INTS1: variants seen among roughly 807,000 people sequenced by gnomAD.
INTS1 encodes integrator complex subunit 1.
In INTS1, 137 loss-of-function variants were observed where a neutral mutation model predicts 241.6. The observed-to-expected ratio is 0.57, with a 90% confidence interval of 0.49 to 0.65. The LOEUF (loss-of-function observed/expected upper bound fraction) is 0.65, where lower values mean the gene tolerates loss of function less well. INTS1 is among the 30% of genes least tolerant of loss of function. INTS1 has a pLI of 0.00. For missense variants in INTS1, 3,073 were observed against 3,032.2 expected (o/e 1.01, Z -0.32); for synonymous variants, 1,692 against 1,337.8 (o/e 1.26, Z -5.78).
At chr7:1,473,240 G>T in intron 42 of INTS1, 56 bp from the exon 43 acceptor site, 1 of 1,289,008 alleles carries the variant, frequency 7.8e-7, no homozygotes, top group Non-Finnish European at 1.1e-6. Flanking sequence ...AGGAAGGCTG[G>T]GTCAGGGGTC....
rs762545494 is a variant in INTS1, at chr7:1,486,792, C to T, written c.2827-18G>A. Reference sequence around the variant, plus strand: ...TGTTGCCTCTGCAGGGAGGAAGGGGCTCTCAGGGGTGCAGGTGACAGGCCA... The same window carrying T: ...TGTTGCCTCTGCAGGGAGGAAGGGGTTCTCAGGGGTGCAGGTGACAGGCCA... On this transcript the variant is annotated intron_variant, in intron 21 of 47. Transcript: ENST00000404767. 3.1e-6 allele frequency: 5 copies of T among 1,610,438 alleles called. No individual in the cohort carries two copies. The African/African-American group carries it at 4.0e-5, about 13-fold the overall frequency.
Position 1,479,437 on chromosome 7 carries a change from T to C in INTS1, c.4322A>G (p.Gln1441Arg), listed in dbSNP as rs1200263792. 1.3e-6 allele frequency: 2 copies of C among 1,577,002 alleles called. No homozygotes were observed. The highest frequency in any genetic ancestry group is 1.7e-6 in the Non-Finnish European group (2 of 1,162,380). The change falls in exon 31 of 48, where the codon CAG (glutamine) becomes CGG (arginine). Residue 1441 changes from glutamine to arginine, a missense_variant. Coordinates refer to ENST00000404767, the MANE Select transcript of INTS1 (RefSeq NM_001080453.3). ...AGGCCCACGCCCAAGTACCTGGTACTGGCAGAGCTGGCGCAGCAGCGGGCA... is the reference window on the plus strand; with the variant it reads ...AGGCCCACGCCCAAGTACCTGGTACCGGCAGAGCTGGCGCAGCAGCGGGCA... ...LACPLLRQLC[Q>R]YQRCVPQDTG...
chr7:1,500,444 C>G, intron 3 of INTS1, 78 bp from the exon 4 acceptor site: 1 of 1,409,660 alleles, frequency 7.1e-7, no homozygotes, highest in Non-Finnish European at 9.4e-7. Flanking sequence ...GGGAAGACCA[C>G]GAGGAACCCA....
chr7:1,478,872 T>C lies in INTS1; in HGVS notation c.4343A>G (p.Gln1448Arg), dbSNP rs185292877. The C allele has an allele frequency of 1.2e-3, 1,906 of 1,608,260 alleles. 1 individual carries two copies. Among genetic ancestry groups the C allele is most frequent in the Non-Finnish European group, 1.5e-3 (1,784 of 1,176,832 alleles). ...GAAGAGCGAGGAGAAGCCGGTGTCC[T>C]GTGGCACACAGCGCTGCGGGGACAA... ...QLCQYQRCVP[Q>R]DTGFSSLFLK... Residue 1448 changes from glutamine (Q) to arginine (R), a missense_variant, in exon 32 of 48, where the codon CAG becomes CGG. Physicochemically the swap from Gln to Arg is conservative, Grantham distance 43 (BLOSUM62 1). Transcript: ENST00000404767.
At position 1,476,522 on chromosome 7, in the gene INTS1, C is replaced by T. The variant is rs375198772; in HGVS notation, c.5151+48G>A. ...CTCCCGGATGGGCCACCCCCTCTCC[C>T]GGATGGGCCACCCCCTCTCCCGGAT... On this transcript the variant is annotated intron_variant, in intron 37 of 47. Coordinates refer to ENST00000404767, the MANE Select transcript of INTS1 (RefSeq NM_001080453.3). 7.5e-6 allele frequency: 12 copies of T among 1,609,892 alleles called. No homozygotes were observed. In the African/African-American group the frequency reaches 1.1e-4, roughly 14 times the overall value.
chr7:1,474,351 G>T lies in INTS1; in HGVS notation c.5646C>A (p.Pro1882=). 1 of 1,593,398 alleles carries T rather than the reference G, an allele frequency of 6.3e-7. No homozygotes were observed. The highest frequency in any genetic ancestry group is 2.3e-5 in the East Asian group (1 of 44,188). ...GGCCGTGCAGGAGCGCCGCGATCAT[G>T]GGCAGGTGCCTGCGGGCGCGGTGAG... is the stretch of plus-strand genomic sequence containing the variant. ...AHPLLLLRHL[P]MIAALLHGRT... The change falls in exon 41 of 48, where the codon CCC becomes CCA. Residue 1882 remains proline, a synonymous_variant. Transcript: ENST00000404767.
chr7:1,471,680 C>T, intron 44 of INTS1, 39 bp from the exon 45 acceptor site: 1 of 1,601,374 alleles, frequency 6.2e-7, no homozygotes, highest in Non-Finnish European at 8.5e-7. Context: ...CTGAAGGGCC[C>T]AGGCAGACCT....
Position 1,486,613 on chromosome 7 carries a change from C to T in INTS1, c.2976+12G>A. 1 of 1,609,786 alleles carries T rather than the reference C, an allele frequency of 6.2e-7. No individual in the cohort carries two copies. The highest frequency in any genetic ancestry group is 1.1e-5 in the South Asian group (1 of 90,462). On this transcript the variant is annotated intron_variant, in intron 22 of 47. Coordinates refer to ENST00000404767, the MANE Select transcript of INTS1 (RefSeq NM_001080453.3). ...GAAGAGCGTGCGCAGAAAGACCCGC[C>T]CACCACCTCACCTTCATGGCCAGCA... is the stretch of plus-strand genomic sequence containing the variant.
At chr7:1,491,492 G>C (rs1042894339) in intron 16 of INTS1, among the ~76,000 whole-genome samples, 1 of 152,192 alleles carries the variant, frequency 6.6e-6, no homozygotes, top group Non-Finnish European at 1.5e-5. Context: ...ACCCTTGACA[G>C]AAAACACAGA....
rs561175113 is a variant in INTS1, at chr7:1,474,429, C to T, written c.5637-69G>A. On this transcript the variant is annotated intron_variant, in intron 40 of 47. Transcript: ENST00000404767. The stretch of plus-strand genomic sequence containing the variant: ...CACCTGGCGCACGTCCCCAGGAAGG[C>T]CCCACTGCCTGCCCCGGGAGCCAGA... 29 of 1,456,520 alleles carry T rather than the reference C, an allele frequency of 2.0e-5. No individual in the cohort carries two copies. The East Asian group carries it at 6.7e-4, about 34-fold the overall frequency. The allele number at this position is 1,456,520 out of a possible 1,614,324, so 90.2% of individuals were successfully genotyped here.
At position 1,473,674 on chromosome 7, in the gene INTS1, C is replaced by T; in HGVS notation, c.5849G>A (p.Arg1950His). ...CTTGTTGATGAAGGCAGCCAGATGG[C>T]GGGAGGACTTCCTGTAATTCTGCAA... ...RLLLNYRKSS[R>H]HLAAFINKFV... Residue 1950 changes from arginine (R) to histidine (H), a missense_variant, in exon 42 of 48, where the codon CGC becomes CAC. Arg to His is a conservative substitution (Grantham distance 29). Coordinates refer to ENST00000404767, the MANE Select transcript of INTS1 (RefSeq NM_001080453.3). 3 of 1,613,222 alleles carry T rather than the reference C, an allele frequency of 1.9e-6. No individual in the cohort carries two copies. The highest frequency in any genetic ancestry group is 2.5e-6 in the Non-Finnish European group (3 of 1,179,736).
chr7:1,487,837 C>A lies in INTS1; in HGVS notation c.2439G>T (p.Leu813=). 1 of 1,613,398 alleles carries A rather than the reference C, an allele frequency of 6.2e-7. No individual in the cohort carries two copies. The highest frequency in any genetic ancestry group is 8.5e-7 in the Non-Finnish European group (1 of 1,179,862). Residue 813 remains leucine, a synonymous_variant, in exon 19 of 48, where the codon CTG becomes CTT. Transcript: ENST00000404767. ...KQEILAFEGH[L]AAASTKQTIT... is the part of the protein sequence containing the mutation. ...TGGTCTGCTTGGTGGACGCGGCCGCCAGGTGCCCCTCGAAGGCCAGGATCT... is the reference window on the plus strand; with the variant it reads ...TGGTCTGCTTGGTGGACGCGGCCGCAAGGTGCCCCTCGAAGGCCAGGATCT...
rs762917637 is a variant in INTS1 at position 1,470,945 on chromosome 7, C to T, written c.6358G>A (p.Ala2120Thr). Residue 2120 changes from alanine (A) to threonine (T), a missense_variant, in exon 47 of 48, where the codon GCT becomes ACT. By Grantham distance (58) the Ala-to-Thr change is moderately conservative (BLOSUM62 0). Coordinates refer to ENST00000404767, the MANE Select transcript of INTS1 (RefSeq NM_001080453.3). ...CAGTACATGAACGTGGGCAGGAAAGCGGCTGCAATGCTGAAAGACCCACAC... is the reference window on the plus strand; with the variant it reads ...CAGTACATGAACGTGGGCAGGAAAGTGGCTGCAATGCTGAAAGACCCACAC... ...SMQNSPSIAA[A>T]FLPTFMYCLG... 64 of 1,565,866 alleles carry T rather than the reference C, an allele frequency of 4.1e-5. No individual in the cohort carries two copies. The highest frequency in any genetic ancestry group is 1.7e-4 in the Middle Eastern group (1 of 6,022).
chr7:1,480,566 G>T, intron 29 of INTS1, 125 bp from the exon 30 acceptor site: 1 of 1,104,080 alleles, frequency 9.1e-7, no homozygotes, highest in Non-Finnish European at 1.3e-6. Context: ...CTCAGACCTG[G>T]GCTCTGTGTT....
At chr7:1,490,574 G>A (rs1329924324) in intron 16 of INTS1, among the ~76,000 whole-genome samples, 1 of 152,228 alleles carries the variant, frequency 6.6e-6, no homozygotes, top group East Asian at 1.9e-4. Flanking sequence ...CTGAAAGGGT[G>A]TCAGCTCTGG....
Position 1,483,852 on chromosome 7 carries a change from G to C in INTS1, c.3431C>G (p.Ser1144Trp). Residue 1144 changes from serine (S) to tryptophan (W), a missense_variant and splice_region_variant, in exon 26 of 48, where the codon TCG (serine) becomes TGG (tryptophan). Coordinates refer to ENST00000404767, the MANE Select transcript of INTS1 (RefSeq NM_001080453.3). ...TAGGAAGACCTGGTCCTGAGACTCC[G>C]ACTGTGGGAAAAGAGGTGGAGTCAG... ...SKEGEEVYSW[S>W]ESQDQVFLRW... 6.2e-7 allele frequency: 1 copy of C among 1,607,266 alleles called. No individual in the cohort carries two copies. Among genetic ancestry groups the C allele is most frequent in the Non-Finnish European group, 8.5e-7 (1 of 1,175,068 alleles).
chr7:1,479,290 T>C, intron 31 of INTS1, 140 bp downstream of exon 31: 3 of 1,055,518 alleles, frequency 2.8e-6, no homozygotes, highest in Non-Finnish European at 4.0e-6. Context: ...CTGCCGCCAC[T>C]CCCTGGGGCA....
At chr7:1,502,343 G>T (rs1040839363) in intron 3 of INTS1, among the ~76,000 whole-genome samples, 2 of 152,130 alleles carry the variant, frequency 1.3e-5, no homozygotes, top group African/African-American at 4.8e-5. Flanking sequence ...AGAGGGGCAG[G>T]GGCGATTCTA....
At chr7:1,477,480 GC>G (rs1177234722) in intron 35 of INTS1, 69 bp downstream of exon 35, 1 of 1,442,992 alleles carries the variant, frequency 6.9e-7, no homozygotes, top group Admixed American at 2.8e-5. Flanking sequence ...GGCCAAGGCT[GC>G]TGCACTTCAG....
Sources: gnomAD v4.1 joint callset for allele counts (sites outside exome capture counted in the v4.1 genomes callset) on GRCh38, gnomAD v4.1.1 for gene constraint, MANE v1.5 for transcripts, NCBI Gene and HGNC (gene_info 2026-07-23, HGNC 2026-07-21) for gene names.